The following GRID2 variants were observed in gnomAD, a reference collection of about 807,000 sequenced individuals.
GRID2 encodes glutamate ionotropic receptor delta type subunit 2, also known as glutamate receptor ionotropic, delta-2.
A neutral mutation model predicts 114.8 loss-of-function variants in GRID2; 33 were observed. The observed-to-expected ratio is 0.29, with a 90% confidence interval of 0.22 to 0.38. The LOEUF (loss-of-function observed/expected upper bound fraction) is 0.38. Ranked by LOEUF, GRID2 falls within the 10% of genes least tolerant of loss-of-function variation. The pLI, the probability that GRID2 is intolerant of heterozygous loss-of-function variation, is 1.00. For missense variants in GRID2, 1,184 were observed against 1,257.7 expected, an observed-to-expected ratio of 0.94 and a Z score of 0.89; for synonymous variants, 505 against 449.9, an observed-to-expected ratio of 1.12 and a Z score of -1.55.
chr4:92,570,371 G>C (rs1727550245), intron 1 of GRID2, among the ~76,000 whole-genome samples: 1 of 152,100 alleles, frequency 6.6e-6, no homozygotes, highest in African/African-American at 2.4e-5. Context: ...CTGTGGTATA[G>C]TTTGAAGTGA....
At chr4:92,770,105 G>A (rs1213633829) in intron 2 of GRID2, among the ~76,000 whole-genome samples, 3 of 152,052 alleles carry the variant, frequency 2.0e-5, no homozygotes, top group Admixed American at 6.5e-5. Context: ...TGAATGCTTC[G>A]TTGCTTAGAA....
chr4:93,762,038 A>G (rs1733256498), intron 14 of GRID2, among the ~76,000 whole-genome samples: 1 of 152,166 alleles, frequency 6.6e-6, no homozygotes, highest in Admixed American at 6.6e-5. Flanking sequence ...GGATGAAAAA[A>G]TTGATGAATG....
chr4:93,461,888 T>C (rs72886224), intron 11 of GRID2, among the ~76,000 whole-genome samples: 11,043 of 152,226 alleles, frequency 0.073, 1,003 homozygotes, highest in African/African-American at 0.21. Flanking sequence ...AAGTCTCTTA[T>C]GTTTAGTTTA....
chr4:93,309,360 C>A (rs10010594), intron 8 of GRID2, among the ~76,000 whole-genome samples: 84,325 of 151,808 alleles, frequency 0.56, 24,661 homozygotes, highest in Middle Eastern at 0.74. Flanking sequence ...CATGGCGAAA[C>A]CCTGTCTCTG....
At chr4:92,746,428 A>C (rs981790146) in intron 2 of GRID2, among the ~76,000 whole-genome samples, 1 of 152,126 alleles carries the variant, frequency 6.6e-6, no homozygotes, top group East Asian at 1.9e-4. Flanking sequence ...AAGCCAGACC[A>C]TCTAGAGGTT....
At chr4:93,139,075 A>T (rs1735525823) in intron 4 of GRID2, among the ~76,000 whole-genome samples, 1 of 152,224 alleles carries the variant, frequency 6.6e-6, no homozygotes, top group African/African-American at 2.4e-5. Context: ...AACAGATTTC[A>T]CACTCAAATT....
At chr4:92,884,160 T>C (rs890954918) in intron 2 of GRID2, among the ~76,000 whole-genome samples, 5 of 152,216 alleles carry the variant, frequency 3.3e-5, no homozygotes, top group Non-Finnish European at 7.3e-5. Flanking sequence ...TTTATACTTT[T>C]GTGTCATGGA....
At chr4:93,503,361 C>G (rs998116459) in intron 12 of GRID2, among the ~76,000 whole-genome samples, 2 of 152,070 alleles carry the variant, frequency 1.3e-5, no homozygotes, top group African/African-American at 4.8e-5. Context: ...TTTTAGGGTA[C>G]ATGTGCACAA....
At chr4:93,021,827 A>G (rs1186085502) in intron 2 of GRID2, among the ~76,000 whole-genome samples, 1 of 146,760 alleles carries the variant, frequency 6.8e-6, no homozygotes, top group East Asian at 1.9e-4. Context: ...ATACTTATAT[A>G]ATAAATATTA....
chr4:93,295,912 G>T (rs1754261761), intron 8 of GRID2, among the ~76,000 whole-genome samples: 1 of 152,156 alleles, frequency 6.6e-6, no homozygotes, highest in Non-Finnish European at 1.5e-5. Context: ...TGAGTATGTT[G>T]GATTTAGCTG....
At chr4:93,081,795 A>G (rs540169978) in intron 2 of GRID2, among the ~76,000 whole-genome samples, 1 of 152,342 alleles carries the variant, frequency 6.6e-6, no homozygotes, top group Non-Finnish European at 1.5e-5. Flanking sequence ...TTCTCATACT[A>G]TATCAAATGA....
At chr4:92,775,373 C>A (rs998040293) in intron 2 of GRID2, among the ~76,000 whole-genome samples, 1 of 152,180 alleles carries the variant, frequency 6.6e-6, no homozygotes, top group African/African-American at 2.4e-5. Flanking sequence ...ACAAAATTAT[C>A]GATGACAGAA....
At chr4:93,460,130 T>C (rs12644084) in intron 11 of GRID2, among the ~76,000 whole-genome samples, 34,667 of 152,124 alleles carry the variant, frequency 0.23, 4,369 homozygotes, top group East Asian at 0.53. Flanking sequence ...ACCCAAGTTA[T>C]CCATGCCATG....
intron 12 of GRID2, among the ~76,000 whole-genome samples, chr4:93,499,653 G>A (rs780618844): frequency 1.6e-4 from 24 of 151,736 alleles, no homozygotes; most frequent in Non-Finnish European, 2.9e-4. Flanking sequence ...TTCTCTTTGC[G>A]ATTTTAAGTT....
chr4:92,510,636 C>G (rs1724198190), intron 1 of GRID2, among the ~76,000 whole-genome samples: 1 of 151,702 alleles, frequency 6.6e-6, no homozygotes, highest in African/African-American at 2.4e-5. Context: ...GAAGAATACA[C>G]TCTAGTGTTC....
chr4:92,316,403 G>A (rs1473261582), intron 1 of GRID2, among the ~76,000 whole-genome samples: 1 of 152,022 alleles, frequency 6.6e-6, no homozygotes, highest in East Asian at 1.9e-4. Flanking sequence ...TAGTCATGGT[G>A]AGTTTTGGAC....
intron 8 of GRID2, chr4:93,319,638 G>A (rs1757018048): frequency 6.6e-6 from 1 of 152,068 alleles, no homozygotes; most frequent in African/African-American, 2.4e-5. Flanking sequence ...TCTCTGACTA[G>A]TAGAGGAGGA....
intron 13 of GRID2, among the ~76,000 whole-genome samples, chr4:93,527,388 G>T (rs189101304): frequency 6.6e-6 from 1 of 152,192 alleles, no homozygotes; most frequent in South Asian, 2.1e-4. Context: ...AATAAAATTT[G>T]AATGTCTTGA....
chr4:93,716,539 T>C (rs1427197559), intron 14 of GRID2, among the ~76,000 whole-genome samples: 2 of 152,148 alleles, frequency 1.3e-5, no homozygotes, highest in East Asian at 3.8e-4. Flanking sequence ...CACTTTATAC[T>C]AGTCATACTC....
Sources: allele counts gnomAD v4.1 joint callset (sites outside exome capture counted in the v4.1 genomes callset), GRCh38; gene constraint gnomAD v4.1.1; transcripts MANE v1.5; gene names NCBI Gene and HGNC (gene_info 2026-07-23, HGNC 2026-07-21).